LRRTM4: variants seen among roughly 807,000 people sequenced by gnomAD.
LRRTM4 encodes leucine-rich repeat transmembrane neuronal protein 4.
A neutral mutation model predicts 47.6 loss-of-function variants in LRRTM4; 25 were observed. The observed-to-expected ratio is 0.53, with a 90% CI of 0.38 to 0.73. The LOEUF is 0.73. Among genes scored for constraint, LRRTM4 ranks in the 30% least tolerant of loss-of-function variants. The pLI is 0.00. For synonymous variants in LRRTM4, 311 were observed against 269.5 expected, an observed-to-expected ratio of 1.15 and a Z score of -1.51; for missense variants, 638 against 713.4, an observed-to-expected ratio of 0.89 and a Z score of 1.20.
In LRRTM4 at chr2:77,217,021, C is replaced by A. The variant is rs113905747; in HGVS notation, c.1551+301297G>T. ...CTGGGAGGCAGAGGTTGCGGTGAGC[C>A]GAGATTGCGCCACTGCACTGCAGCC... is the stretch of plus-strand genomic sequence containing the variant. On this transcript the variant is annotated intron_variant, in intron 3 of 3. Coordinates refer to ENST00000409884, the MANE Select transcript of LRRTM4 (RefSeq NM_001134745.3). Among the ~76,000 whole-genome samples, 11 of 149,150 alleles carry A rather than the reference C, an allele frequency of 7.4e-5. No individual in the cohort carries two copies. In the South Asian group the frequency reaches 1.3e-3, roughly 17 times the overall value.
chr2:77,333,382 C>T (rs375264708), intron 3 of LRRTM4, among the ~76,000 whole-genome samples: 14 of 152,278 alleles, frequency 9.2e-5, no homozygotes, highest in Middle Eastern at 3.4e-3. Context: ...TTGTTGAATG[C>T]CTTTGACCAA....
intron 3 of LRRTM4, among the ~76,000 whole-genome samples, chr2:77,242,786 A>G (rs1675306289): frequency 6.6e-6 from 1 of 152,198 alleles, no homozygotes; most frequent in South Asian, 2.1e-4. Flanking sequence ...GACCCAAATA[A>G]TGAAACTGCT....
chr2:77,354,430 G>T (rs1469387200), intron 3 of LRRTM4, among the ~76,000 whole-genome samples: 1 of 151,762 alleles, frequency 6.6e-6, no homozygotes, highest in Non-Finnish European at 1.5e-5. Flanking sequence ...GTATTTATTG[G>T]GTGGGGGTGG....
chr2:76,978,778 A>G (rs926004971), intron 3 of LRRTM4, among the ~76,000 whole-genome samples: 1 of 152,056 alleles, frequency 6.6e-6, no homozygotes, highest in African/African-American at 2.4e-5. Context: ...AAAAGGTTAA[A>G]TGGGAAATCT....
At position 77,365,125 on chromosome 2, in the gene LRRTM4, CTT is replaced by C. The variant is rs375464504; in HGVS notation, c.1551+153191_1551+153192del. On this transcript the variant is annotated intron_variant, in intron 3 of 3. Coordinates refer to ENST00000409884, the MANE Select transcript of LRRTM4 (RefSeq NM_001134745.3). ...AAATAATAAAAGAGTAACATCTTCT[CTT>C]TTCACAGGTAAAATCCAGATCTATA... Among the ~76,000 whole-genome samples the C allele has an allele frequency of 2.1e-4, 32 of 152,158 alleles. No individual in the cohort carries two copies. The East Asian group carries it at 5.8e-3, about 28-fold the overall frequency.
chr2:77,095,287 T>C (rs561198826), intron 3 of LRRTM4, among the ~76,000 whole-genome samples: 2 of 152,148 alleles, frequency 1.3e-5, no homozygotes, highest in African/African-American at 4.8e-5. Context: ...TGGAGGAACC[T>C]CTGTATCTTC....
At chr2:77,320,233 T>C (rs1482183182) in intron 3 of LRRTM4, among the ~76,000 whole-genome samples, 2 of 152,090 alleles carry the variant, frequency 1.3e-5, no homozygotes, top group African/African-American at 4.8e-5. Context: ...GACATGAGGG[T>C]ACTTTAACAA....
At chr2:77,295,480 G>T in intron 3 of LRRTM4, among the ~76,000 whole-genome samples, 1 of 152,264 alleles carries the variant, frequency 6.6e-6, no homozygotes, top group African/African-American at 2.4e-5. Context: ...TCCCAAGGAA[G>T]ATATTGGAAA....
chr2:76,785,602 GTAATAGCTT>G (rs1325839027), intron 3 of LRRTM4, among the ~76,000 whole-genome samples: 7 of 152,078 alleles, frequency 4.6e-5, no homozygotes, highest in African/African-American at 1.7e-4. Flanking sequence ...ACATATGTTT[GTAATAGCTT>G]TCTTCATAAA....
intron 3 of LRRTM4, among the ~76,000 whole-genome samples, chr2:77,440,683 G>A (rs940533862): frequency 5.9e-5 from 9 of 152,278 alleles, no homozygotes; most frequent in Middle Eastern, 3.4e-3. Flanking sequence ...TACAAAGGCA[G>A]TGCAAATACA....
chr2:77,320,883 G>A (rs1431170610), intron 3 of LRRTM4, among the ~76,000 whole-genome samples: 2 of 151,588 alleles, frequency 1.3e-5, no homozygotes, highest in African/African-American at 2.4e-5. Flanking sequence ...AAATTATTAA[G>A]CTTTAATATT....
intron 3 of LRRTM4, among the ~76,000 whole-genome samples, chr2:76,941,815 T>C (rs957059423): frequency 1.3e-5 from 2 of 152,212 alleles, no homozygotes; most frequent in African/African-American, 2.4e-5. Context: ...TATAATCCTT[T>C]GGGCATATAC....
At chr2:76,844,663 T>C (rs1671787271) in intron 3 of LRRTM4, among the ~76,000 whole-genome samples, 1 of 152,204 alleles carries the variant, frequency 6.6e-6, no homozygotes, top group Non-Finnish European at 1.5e-5. Context: ...TGAGTCTCAA[T>C]TCTAAAAGCA....
At chr2:76,949,226 C>A (rs1558757009) in intron 3 of LRRTM4, among the ~76,000 whole-genome samples, 3 of 151,838 alleles carry the variant, frequency 2.0e-5, no homozygotes, top group Admixed American at 2.0e-4. Flanking sequence ...CAACACTGAA[C>A]CTGGGTACAA....
intron 3 of LRRTM4, among the ~76,000 whole-genome samples, chr2:77,322,332 T>C (rs1677820227): frequency 6.6e-6 from 1 of 152,168 alleles, no homozygotes. Context: ...AATATATCTC[T>C]TTAAGTAACA....
chr2:77,370,877 A>G (rs928630478), intron 3 of LRRTM4, among the ~76,000 whole-genome samples: 3 of 151,690 alleles, frequency 2.0e-5, no homozygotes, highest in Non-Finnish European at 4.4e-5. Context: ...CTAGTTTTCA[A>G]TGATAAAAGG....
chr2:77,059,226 T>C (rs1051110640), intron 3 of LRRTM4, among the ~76,000 whole-genome samples: 1 of 152,298 alleles, frequency 6.6e-6, no homozygotes, highest in Non-Finnish European at 1.5e-5. Flanking sequence ...AATAAACATA[T>C]TGTGTTTGTC....
At chr2:76,942,495 T>G (rs1164606227) in intron 3 of LRRTM4, among the ~76,000 whole-genome samples, 1 of 151,098 alleles carries the variant, frequency 6.6e-6, no homozygotes, top group Non-Finnish European at 1.5e-5. Context: ...GCTAACATTT[T>G]TTTTTTTTTT....
At chr2:76,777,643 C>T (rs1674104679) in intron 3 of LRRTM4, among the ~76,000 whole-genome samples, 1 of 150,822 alleles carries the variant, frequency 6.6e-6, no homozygotes, top group African/African-American at 2.4e-5. Context: ...TGCTTATCAG[C>T]TTAAGGAGAT....
Sources: gnomAD v4.1 joint callset for allele counts (sites outside exome capture counted in the v4.1 genomes callset) on GRCh38, gnomAD v4.1.1 for gene constraint, MANE v1.5 for transcripts, NCBI Gene and HGNC (gene_info 2026-07-23, HGNC 2026-07-21) for gene names.